Variants in NRXN3 observed in about 807,000 individuals in gnomAD.
NRXN3 encodes neurexin III.
In NRXN3, 32 loss-of-function variants were observed where a neutral mutation model predicts 137.6. The observed-to-expected ratio is 0.23, with a 90% CI of 0.18 to 0.31. The LOEUF (loss-of-function observed/expected upper bound fraction) is 0.31, where lower values mean the gene tolerates loss of function less well. Among genes scored for constraint, NRXN3 ranks in the 10% least tolerant of loss-of-function variants. The pLI is 1.00. For missense variants in NRXN3, 1,574 were observed against 2,062.5 expected, an observed-to-expected ratio of 0.76 and a Z score of 4.59; for synonymous variants, 798 against 784.5, an observed-to-expected ratio of 1.02 and a Z score of -0.29.
intron 16 of NRXN3, among the ~76,000 whole-genome samples, chr14:79,609,721 A>T (rs577991158): frequency 1.3e-5 from 2 of 152,336 alleles, no homozygotes; most frequent in East Asian, 1.9e-4. Flanking sequence ...GATTGTACAT[A>T]TACTGTATAC....
chr14:78,315,020 A>AT (rs1295312968), intron 4 of NRXN3, among the ~76,000 whole-genome samples: 1 of 65,836 alleles, frequency 1.5e-5, no homozygotes, highest in Non-Finnish European at 3.3e-5. Context: ...TTTTCTTTTT[A>AT]TTTTTTTTTG....
At chr14:79,514,890 C>T (rs576903701) in intron 16 of NRXN3, among the ~76,000 whole-genome samples, 1 of 141,686 alleles carries the variant, frequency 7.1e-6, no homozygotes, top group African/African-American at 3.1e-5. Context: ...CTCACCGATT[C>T]TGTCTAGGGG....
intron 10 of NRXN3, among the ~76,000 whole-genome samples, chr14:78,878,762 T>C (rs558464734): frequency 7.2e-5 from 11 of 152,292 alleles, no homozygotes; most frequent in African/African-American, 2.6e-4. Context: ...TTATTAACTG[T>C]AGTCATTATA....
chr14:79,217,822 G>T (rs961414126), intron 15 of NRXN3, among the ~76,000 whole-genome samples: 1 of 152,208 alleles, frequency 6.6e-6, no homozygotes, highest in Admixed American at 6.5e-5. Flanking sequence ...CCAATCTTGA[G>T]AACCATTGCT....
intron 20 of NRXN3, among the ~76,000 whole-genome samples, chr14:79,832,995 T>C (rs1411779162): frequency 6.6e-6 from 1 of 152,168 alleles, no homozygotes; most frequent in Non-Finnish European, 1.5e-5. Context: ...GAAAAGTTAT[T>C]AAGTAGGAGA....
At chr14:79,341,419 CCAG>C (rs2092605404) in intron 15 of NRXN3, among the ~76,000 whole-genome samples, 1 of 152,130 alleles carries the variant, frequency 6.6e-6, no homozygotes, top group African/African-American at 2.4e-5. Flanking sequence ...ATCCACAAAA[CCAG>C]CAGCAGTAGC....
chr14:78,630,299 A>T (rs1302871485), intron 4 of NRXN3, among the ~76,000 whole-genome samples: 1 of 152,238 alleles, frequency 6.6e-6, no homozygotes, highest in Non-Finnish European at 1.5e-5. Context: ...TTTTTATGAA[A>T]AAAGAAAATA....
At chr14:79,738,382 T>C (rs1023562176) in intron 19 of NRXN3, among the ~76,000 whole-genome samples, 1 of 149,006 alleles carries the variant, frequency 6.7e-6, no homozygotes, top group Non-Finnish European at 1.5e-5. Context: ...AGGCAGATAC[T>C]GGAGTGAAGC....
chr14:79,082,290 T>C (rs912038552), intron 15 of NRXN3, among the ~76,000 whole-genome samples: 3 of 151,994 alleles, frequency 2.0e-5, no homozygotes, highest in African/African-American at 7.2e-5. Flanking sequence ...CCTCATCAGA[T>C]GGAAGTAATA....
chr14:78,547,604 T>A (rs888177654), intron 4 of NRXN3, among the ~76,000 whole-genome samples: 14 of 152,218 alleles, frequency 9.2e-5, no homozygotes, highest in African/African-American at 3.4e-4. Context: ...TCCATAAATT[T>A]AAAATATAGT....
intron 14 of NRXN3, among the ~76,000 whole-genome samples, chr14:78,968,995 G>A (rs963126107): frequency 1.8e-4 from 28 of 152,278 alleles, no homozygotes; most frequent in African/African-American, 6.5e-4. Context: ...CATTTGGAAG[G>A]TGATGTAACT....
rs1555418578 is a variant in NRXN3 at position 78,235,004 on chromosome 14, A to ATATATATATATATGTG, written c.-703-7374_-703-7373insGTGTATATATATATAT. 6.9e-4 allele frequency among the ~76,000 whole-genome samples: 45 copies of ATATATATATATATGTG among 65,644 alleles called. 1 individual carries two copies. The highest frequency in any genetic ancestry group is 2.1e-3 in the Admixed American group (12 of 5,608). 43.1% of individuals were successfully genotyped at this position (65,644 alleles called of 152,430 possible). A position where few individuals can be genotyped will look rare whatever the true frequency, so the allele number is the denominator to read the frequency against. ...CAGCCACAAATGCTTTTATATATAT[A>ATATATATATATATGTG]TATATATATATATATATATGTGTAT... On this transcript the variant is annotated intron_variant, in intron 1 of 20. Coordinates refer to ENST00000335750, the MANE Select transcript of NRXN3 (RefSeq NM_001330195.2).
intron 4 of NRXN3, among the ~76,000 whole-genome samples, chr14:78,528,053 A>G (rs991230557): frequency 1.3e-5 from 2 of 152,224 alleles, no homozygotes; most frequent in African/African-American, 4.8e-5. Flanking sequence ...TATAAATATT[A>G]AACTCAATTC....
intron 15 of NRXN3, among the ~76,000 whole-genome samples, chr14:79,298,473 G>A (rs969714756): frequency 3.9e-5 from 6 of 152,014 alleles, no homozygotes; most frequent in Non-Finnish European, 5.9e-5. Flanking sequence ...GGGAGACCAC[G>A]GTTCTGCAGT....
At chr14:78,253,559 C>T (rs1457581828) in intron 2 of NRXN3, among the ~76,000 whole-genome samples, 2 of 152,008 alleles carry the variant, frequency 1.3e-5, no homozygotes, top group South Asian at 2.1e-4. Flanking sequence ...CCTGTGGTGC[C>T]AGCTACTTGG....
At chr14:79,475,128 A>G (rs930755921) in intron 16 of NRXN3, among the ~76,000 whole-genome samples, 1 of 152,154 alleles carries the variant, frequency 6.6e-6, no homozygotes, top group African/African-American at 2.4e-5. Flanking sequence ...AGTACACTGG[A>G]AACCTAAAAC....
At chr14:79,060,999 A>G (rs2099673555) in intron 15 of NRXN3, among the ~76,000 whole-genome samples, 1 of 152,170 alleles carries the variant, frequency 6.6e-6, no homozygotes, top group Admixed American at 6.5e-5. Flanking sequence ...ACCAGTGTCT[A>G]TCGTGGGACA....
At chr14:79,232,683 A>G (rs889947213) in intron 15 of NRXN3, among the ~76,000 whole-genome samples, 6 of 152,114 alleles carry the variant, frequency 3.9e-5, no homozygotes, top group Non-Finnish European at 8.8e-5. Flanking sequence ...CCAATATACT[A>G]CATGTGTGTG....
At chr14:79,364,763 T>A (rs1344431119) in intron 15 of NRXN3, among the ~76,000 whole-genome samples, 3 of 152,236 alleles carry the variant, frequency 2.0e-5, no homozygotes, top group Admixed American at 1.3e-4. Flanking sequence ...GTGACTTTTT[T>A]AAAATTTATT....
Sources: allele counts gnomAD v4.1 joint callset (sites outside exome capture counted in the v4.1 genomes callset), GRCh38; gene constraint gnomAD v4.1.1; transcripts MANE v1.5; gene names NCBI Gene and HGNC (gene_info 2026-07-23, HGNC 2026-07-21).